ADAMTS2: variants seen among roughly 807,000 people sequenced by gnomAD.
The protein encoded by ADAMTS2 is ADAM metallopeptidase with thrombospondin type 1 motif 2.
In ADAMTS2, 50 loss-of-function variants were observed where a neutral mutation model predicts 123.0. That is an observed-to-expected ratio of 0.41 (90% CI 0.32 to 0.51). The LOEUF (loss-of-function observed/expected upper bound fraction) is 0.51. Among genes scored for constraint, ADAMTS2 ranks in the 20% least tolerant of loss-of-function variants. The pLI is 0.35. For synonymous variants in ADAMTS2, 678 were observed against 695.4 expected (o/e 0.98, Z 0.39); for missense variants, 1,494 against 1,705.2 (o/e 0.88, Z 2.18).
At chr5:179,333,443 G>A (rs1016281708) in intron 2 of ADAMTS2, among the ~76,000 whole-genome samples, 4 of 152,170 alleles carry the variant, frequency 2.6e-5, no homozygotes, top group Non-Finnish European at 4.4e-5. Flanking sequence ...CAGGGCTCAC[G>A]CAGGTCTGAT....
intron 2 of ADAMTS2, among the ~76,000 whole-genome samples, chr5:179,337,762 G>A (rs543998212): frequency 1.3e-5 from 2 of 152,148 alleles, no homozygotes; most frequent in African/African-American, 2.4e-5. Flanking sequence ...GCTGCTGAGC[G>A]GATGTCCCTG....
At chr5:179,323,620 C>A (rs987295445) in intron 2 of ADAMTS2, among the ~76,000 whole-genome samples, 1 of 152,256 alleles carries the variant, frequency 6.6e-6, no homozygotes, top group East Asian at 1.9e-4. Context: ...CTGAAAGCTG[C>A]CATTCCCTTC....
At chr5:179,190,448 C>T (rs1047511161) in intron 4 of ADAMTS2, among the ~76,000 whole-genome samples, 37 of 143,372 alleles carry the variant, frequency 2.6e-4, no homozygotes, top group East Asian at 1.6e-3. Flanking sequence ...ACACAGCGTC[C>T]GAATAAAAGG....
intron 3 of ADAMTS2, among the ~76,000 whole-genome samples, chr5:179,250,589 A>G (rs900968934): frequency 6.6e-6 from 1 of 152,180 alleles, no homozygotes; most frequent in Non-Finnish European, 1.5e-5. Context: ...TCTACTCCTT[A>G]CCTCTGTTCT....
At chr5:179,211,027 T>G (rs66629804) in intron 3 of ADAMTS2, among the ~76,000 whole-genome samples, 22,171 of 152,276 alleles carry the variant, frequency 0.15, 1,757 homozygotes, top group South Asian at 0.2. Flanking sequence ...TCCTGAGTCG[T>G]CTTCCTAGTG....
chr5:179,254,482 A>G (rs934803515), intron 3 of ADAMTS2, among the ~76,000 whole-genome samples: 1 of 152,354 alleles, frequency 6.6e-6, no homozygotes, highest in East Asian at 1.9e-4. Flanking sequence ...CAACACTGCC[A>G]AAAACCACTG....
chr5:179,264,941 C>A (rs116068635), intron 3 of ADAMTS2, among the ~76,000 whole-genome samples: 1,450 of 102,336 alleles, frequency 0.014, 26 homozygotes, highest in African/African-American at 0.039. Flanking sequence ...AGCGCGCTGA[C>A]CCCTGCACCA....
chr5:179,344,850 C>T (rs1757894844), intron 1 of ADAMTS2, among the ~76,000 whole-genome samples: 1 of 152,206 alleles, frequency 6.6e-6, no homozygotes, highest in African/African-American at 2.4e-5. Context: ...TCCCCGGACG[C>T]GAGCCCCGGC....
At chr5:179,182,076 A>G (rs2113314330) in intron 4 of ADAMTS2, among the ~76,000 whole-genome samples, 1 of 152,178 alleles carries the variant, frequency 6.6e-6, no homozygotes, top group East Asian at 1.9e-4. Context: ...CCTCGAGGCC[A>G]GCTCAGCAGT....
intron 2 of ADAMTS2, among the ~76,000 whole-genome samples, chr5:179,331,641 G>A (rs1007174827): frequency 6.6e-6 from 1 of 151,378 alleles, no homozygotes; most frequent in African/African-American, 2.4e-5. Flanking sequence ...CCAGCACCAG[G>A]ACCCAGCACA....
At chr5:179,121,883 G>C (rs2113179368) in intron 20 of ADAMTS2, 133 bp from the exon 21 acceptor site, 1 of 582,728 alleles carries the variant, frequency 1.7e-6, no homozygotes, top group Non-Finnish European at 2.9e-6. Context: ...GGCGGACAAA[G>C]GGTCCTCCGC....
intron 5 of ADAMTS2, among the ~76,000 whole-genome samples, chr5:179,173,041 C>CA (rs1228973444): frequency 0.017 from 2,115 of 121,894 alleles, 18 homozygotes; most frequent in African/African-American, 0.023. Flanking sequence ...CCTGTCTCTA[C>CA]AAAAAAAAAA....
At chr5:179,321,001 C>G (rs926175170) in intron 2 of ADAMTS2, among the ~76,000 whole-genome samples, 2 of 152,158 alleles carry the variant, frequency 1.3e-5, no homozygotes, top group African/African-American at 4.8e-5. Context: ...TTTATTTGGG[C>G]ACCTGGATCC....
chr5:179,231,384 C>G (rs1222090266), intron 3 of ADAMTS2, among the ~76,000 whole-genome samples: 1 of 152,164 alleles, frequency 6.6e-6, no homozygotes, highest in Non-Finnish European at 1.5e-5. Context: ...GAGGTCTGAG[C>G]TCACGTTAAG....
chr5:179,230,105 G>A (rs1000516976), intron 3 of ADAMTS2, among the ~76,000 whole-genome samples: 4 of 152,222 alleles, frequency 2.6e-5, no homozygotes, highest in Non-Finnish European at 5.9e-5. Flanking sequence ...CAGGAGGGAT[G>A]GGCTTGGCCT....
At chr5:179,250,815 A>T (rs891259602) in intron 3 of ADAMTS2, among the ~76,000 whole-genome samples, 1 of 152,070 alleles carries the variant, frequency 6.6e-6, no homozygotes, top group African/African-American at 2.4e-5. Context: ...GGCCAATGTC[A>T]CCCTCTAACG....
chr5:179,134,536 A>G (rs1027088994), intron 13 of ADAMTS2, among the ~76,000 whole-genome samples: 2 of 152,166 alleles, frequency 1.3e-5, no homozygotes, highest in African/African-American at 4.8e-5. Context: ...CCTCTCAGTG[A>G]CATTGGCCTC....
intron 2 of ADAMTS2, among the ~76,000 whole-genome samples, chr5:179,291,381 C>T (rs779372145): frequency 3.3e-5 from 5 of 152,214 alleles, no homozygotes; most frequent in Admixed American, 6.5e-5. Flanking sequence ...GTGTCATTTC[C>T]GGGCAGTCTT....
chr5:179,124,903 C>G, intron 19 of ADAMTS2, 70 bp downstream of exon 19: 1 of 1,592,348 alleles, frequency 6.3e-7, no homozygotes, highest in South Asian at 1.1e-5. Context: ...ATGCAGCGCA[C>G]GGAGCGCACC....
Sources: gnomAD v4.1 joint callset for allele counts (sites outside exome capture counted in the v4.1 genomes callset) on GRCh38, gnomAD v4.1.1 for gene constraint, MANE v1.5 for transcripts, NCBI Gene and HGNC (gene_info 2026-07-23, HGNC 2026-07-21) for gene names.